The following CPAMD8 variants were observed in gnomAD, a reference collection of about 807,000 sequenced individuals.
CPAMD8 encodes C3 and PZP-like alpha-2-macroglobulin domain-containing protein 8.
Under a neutral mutation model 224.7 loss-of-function variants are expected in CPAMD8, and 146 were observed. The observed-to-expected ratio is 0.65, with a 90% CI of 0.57 to 0.75. The LOEUF (loss-of-function observed/expected upper bound fraction) is 0.75, where lower values mean the gene tolerates loss of function less well. Among genes scored for constraint, CPAMD8 ranks in the 30% least tolerant of loss-of-function variants. CPAMD8 has a pLI of 0.00. For synonymous variants in CPAMD8, 966 were observed against 1,044.6 expected, an observed-to-expected ratio of 0.92 and a Z score of 1.45; for missense variants, 2,301 against 2,537.5, an observed-to-expected ratio of 0.91 and a Z score of 2.00.
At chr19:16,961,234 G>A (rs62125976) in intron 18 of CPAMD8, among the ~76,000 whole-genome samples, 27,914 of 152,220 alleles carry the variant, frequency 0.18, 2,846 homozygotes, top group Admixed American at 0.25. Context: ...GGAAGCACAA[G>A]GGGTCAGGGG....
rs115324344 is a variant in CPAMD8 at position 16,893,388 on chromosome 19, G to A, written c.5427-49C>T. On this transcript the variant is annotated intron_variant, in intron 41 of 41. Transcript: ENST00000443236. ...AACATCCTCTACAGCAAGTGGGCAC[G>A]GGGCCTCGGGCTGAGGAAGGAGCCA... 2.6e-3 allele frequency: 3,373 copies of A among 1,310,114 alleles called. 73 individuals are homozygous for A. In the African/African-American group the frequency reaches 0.039, roughly 15 times the overall value. The allele number at this position is 1,310,114 out of a possible 1,614,324, so 81.2% of individuals were successfully genotyped here. A position where few individuals can be genotyped will look rare whatever the true frequency, so the allele number is the denominator to read the frequency against.
chr19:16,957,362 A>G (rs952295714), intron 19 of CPAMD8, among the ~76,000 whole-genome samples: 1 of 152,214 alleles, frequency 6.6e-6, no homozygotes, highest in Non-Finnish European at 1.5e-5. Flanking sequence ...TCTAACGCTG[A>G]GCATTGCAAG....
At chr19:16,908,917 C>T (rs1464665487) in intron 29 of CPAMD8, among the ~76,000 whole-genome samples, 5 of 152,126 alleles carry the variant, frequency 3.3e-5, no homozygotes, top group Non-Finnish European at 7.3e-5. Context: ...CCCCAGGTCA[C>T]GCGGGCCAGG....
intron 11 of CPAMD8, among the ~76,000 whole-genome samples, chr19:16,995,843 C>T (rs958793065): frequency 6.6e-6 from 1 of 152,062 alleles, no homozygotes; most frequent in Admixed American, 6.6e-5. Context: ...AGCAAGATCC[C>T]ATCTCTACAA....
intron 10 of CPAMD8, among the ~76,000 whole-genome samples, chr19:16,998,277 T>C (rs1286058590): frequency 6.6e-6 from 1 of 152,106 alleles, no homozygotes; most frequent in Non-Finnish European, 1.5e-5. Flanking sequence ...CTGGCCAACA[T>C]GGCAAAACCC....
intron 22 of CPAMD8, among the ~76,000 whole-genome samples, chr19:16,941,643 G>A (rs570545348): frequency 3.3e-5 from 5 of 152,256 alleles, no homozygotes; most frequent in Non-Finnish European, 5.9e-5. Context: ...TGCTGTTCTC[G>A]TGATAATGGG....
intron 14 of CPAMD8, among the ~76,000 whole-genome samples, chr19:16,978,022 T>C (rs1018969598): frequency 6.6e-6 from 1 of 152,120 alleles, no homozygotes; most frequent in Admixed American, 6.6e-5. Context: ...TGTGGGTAAA[T>C]GATCCTTAAA....
At chr19:16,977,226 A>G in intron 15 of CPAMD8, 142 bp downstream of exon 15, 1 of 630,212 alleles carries the variant, frequency 1.6e-6, no homozygotes, top group Non-Finnish European at 2.8e-6. Flanking sequence ...TTCAGTAAAG[A>G]TGCAACTCAT....
intron 18 of CPAMD8, among the ~76,000 whole-genome samples, chr19:16,959,386 G>A (rs1464600435): frequency 6.6e-6 from 1 of 151,272 alleles, no homozygotes; most frequent in Non-Finnish European, 1.5e-5. Flanking sequence ...TGTTGACCAC[G>A]CTGGTCTCAA....
intron 41 of CPAMD8, 62 bp from the exon 42 acceptor site, chr19:16,893,401 G>T: frequency 8.4e-7 from 1 of 1,186,964 alleles, no homozygotes; most frequent in Non-Finnish European, 1.2e-6. Flanking sequence ...GCCTCGGGCT[G>T]AGGAAGGAGC....
intron 23 of CPAMD8, among the ~76,000 whole-genome samples, chr19:16,930,914 G>C (rs1450857629): frequency 6.6e-6 from 1 of 152,048 alleles, no homozygotes; most frequent in Non-Finnish European, 1.5e-5. Context: ...CACCACCAAG[G>C]CTGGCTGCTG....
intron 16 of CPAMD8, among the ~76,000 whole-genome samples, chr19:16,975,687 A>C (rs1443673295): frequency 6.6e-6 from 1 of 152,132 alleles, no homozygotes; most frequent in Non-Finnish European, 1.5e-5. Context: ...CAGCCCAGGC[A>C]ACAGAGCAAC....
intron 13 of CPAMD8, among the ~76,000 whole-genome samples, chr19:16,985,346 T>TGGATGGATGGATGGAC: frequency 6.8e-6 from 1 of 148,080 alleles, no homozygotes; most frequent in African/African-American, 2.5e-5. Flanking sequence ...GAAGGGCGGA[T>TGGATGGATGGATGGAC]GGATGGATGG....
At chr19:16,987,136 G>A (rs1376508181) in intron 13 of CPAMD8, among the ~76,000 whole-genome samples, 1 of 107,566 alleles carries the variant, frequency 9.3e-6, no homozygotes, top group Non-Finnish European at 1.8e-5. Context: ...TCCAGCCTGG[G>A]AGACAGAGAC....
At chr19:16,949,192 T>G (rs1343314211) in intron 20 of CPAMD8, among the ~76,000 whole-genome samples, 2 of 151,950 alleles carry the variant, frequency 1.3e-5, no homozygotes, top group East Asian at 3.9e-4. Flanking sequence ...GTTTTCTCTG[T>G]CTTGGGGATG....
chr19:16,941,903 CT>C (rs1232407820), intron 22 of CPAMD8, among the ~76,000 whole-genome samples: 1 of 151,892 alleles, frequency 6.6e-6, no homozygotes, highest in Non-Finnish European at 1.5e-5. Flanking sequence ...AACAAGGAGG[CT>C]GGAGGTTGCA....
chr19:16,902,958 G>T, intron 34 of CPAMD8, 95 bp from the exon 35 acceptor site: 1 of 699,106 alleles, frequency 1.4e-6, no homozygotes, highest in Non-Finnish European at 2.4e-6. Context: ...GGTGGGAACA[G>T]CCAGAATTAT....
chr19:16,966,740 G>A (rs2054840159), intron 18 of CPAMD8, among the ~76,000 whole-genome samples: 1 of 152,132 alleles, frequency 6.6e-6, no homozygotes, highest in Non-Finnish European at 1.5e-5. Flanking sequence ...ATGAAAAAAT[G>A]CTCATCATCA....
intron 7 of CPAMD8, among the ~76,000 whole-genome samples, chr19:17,007,333 T>TA (rs1599897697): frequency 1.4e-5 from 2 of 145,092 alleles, no homozygotes; most frequent in Admixed American, 1.4e-4. Context: ...AGACTGTATT[T>TA]TAAAAAAAAA....
Sources: gnomAD v4.1 joint callset for allele counts (sites outside exome capture counted in the v4.1 genomes callset) on GRCh38, gnomAD v4.1.1 for gene constraint, MANE v1.5 for transcripts, NCBI Gene and HGNC (gene_info 2026-07-23, HGNC 2026-07-21) for gene names.